ATP6V0A4: variants seen among roughly 807,000 people sequenced by gnomAD.
ATP6V0A4 encodes V-type proton ATPase 116 kDa subunit a 4.
Under a neutral mutation model 107.3 loss-of-function variants are expected in ATP6V0A4, and 86 were observed. That is an observed-to-expected ratio of 0.80 (90% CI 0.67 to 0.96). The LOEUF (loss-of-function observed/expected upper bound fraction) is 0.96. Among genes scored for constraint, ATP6V0A4 ranks in the 40% least tolerant of loss-of-function variants. The pLI is 0.00. For synonymous variants in ATP6V0A4, 353 were observed against 381.4 expected, an observed-to-expected ratio of 0.93 and a Z score of 0.87; for missense variants, 908 against 1,045.6, an observed-to-expected ratio of 0.87 and a Z score of 1.81.
At chr7:138,742,040 G>A (rs1453161328) in intron 14 of ATP6V0A4, among the ~76,000 whole-genome samples, 1 of 152,178 alleles carries the variant, frequency 6.6e-6, no homozygotes, top group African/African-American at 2.4e-5. Context: ...GTGGTAACAA[G>A]ACAGTTAATT....
At position 138,772,790 on chromosome 7, in the gene ATP6V0A4, G is replaced by T. The variant is rs529471237; in HGVS notation, c.-17-1526C>A. Among the ~76,000 whole-genome samples, 19 of 152,228 alleles carry T rather than the reference G, an allele frequency of 1.2e-4. No individual in the cohort carries two copies. In the East Asian group the frequency reaches 2.7e-3, roughly 22 times the overall value. ...AATGCATTCCAAACTCTGGGGTGGGGCAGTTTGTCACTCCTGAACATTTCT... is the reference window on the plus strand; with the variant it reads ...AATGCATTCCAAACTCTGGGGTGGGTCAGTTTGTCACTCCTGAACATTTCT... On this transcript the variant is annotated intron_variant, in intron 2 of 21. Coordinates refer to ENST00000310018, the MANE Select transcript of ATP6V0A4 (RefSeq NM_020632.3).
At chr7:138,716,470 G>T (rs990842653) in intron 19 of ATP6V0A4, among the ~76,000 whole-genome samples, 3 of 151,748 alleles carry the variant, frequency 2.0e-5, no homozygotes, top group African/African-American at 7.3e-5. Context: ...AGGACAATTT[G>T]GTTATGAGCT....
chr7:138,751,881 T>C (rs1294141663), intron 11 of ATP6V0A4, among the ~76,000 whole-genome samples: 1 of 152,132 alleles, frequency 6.6e-6, no homozygotes, highest in Non-Finnish European at 1.5e-5. Flanking sequence ...CGCGTGCCTG[T>C]AGTCCTAGCC....
rs369217271 is a variant in ATP6V0A4 at position 138,767,973 on chromosome 7, G to A, written c.291+807C>T. ...TTTTGAGATGGAGTCTTGCTCTGTCGCCCAGGCTGGAGTGCAGTGGCACAA... is the reference window on the plus strand; with the variant it reads ...TTTTGAGATGGAGTCTTGCTCTGTCACCCAGGCTGGAGTGCAGTGGCACAA... On this transcript the variant is annotated intron_variant, in intron 5 of 21. Transcript: ENST00000310018. Among the ~76,000 whole-genome samples the A allele has an allele frequency of 2.6e-4, 39 of 152,104 alleles. No homozygotes were observed. The East Asian group carries it at 4.1e-3, about 16-fold the overall frequency.
At chr7:138,749,070 C>T in intron 12 of ATP6V0A4, 97 bp downstream of exon 12, 2 of 1,494,766 alleles carry the variant, frequency 1.3e-6, no homozygotes, top group South Asian at 1.1e-5. Flanking sequence ...CCAAGCCTCA[C>T]AGTTTTAACA....
intron 19 of ATP6V0A4, among the ~76,000 whole-genome samples, chr7:138,720,842 G>C (rs1804391210): frequency 6.6e-6 from 1 of 152,080 alleles, no homozygotes; most frequent in Non-Finnish European, 1.5e-5. Context: ...TCACCATGTT[G>C]ACCAGGCTGG....
intron 12 of ATP6V0A4, 88 bp from the exon 13 acceptor site, chr7:138,747,652 C>T (rs1418012612): frequency 6.4e-7 from 1 of 1,565,202 alleles, no homozygotes; most frequent in African/African-American, 1.4e-5. Context: ...CCACGATTTG[C>T]ATGCGGGTTT....
chr7:138,729,012 G>A (rs542897000), intron 17 of ATP6V0A4, 150 bp from the exon 18 acceptor site: 1 of 1,463,542 alleles, frequency 6.8e-7, no homozygotes, highest in Admixed American at 2.0e-5. Flanking sequence ...CTTCACGCCT[G>A]GAATATTCCC....
rs925537682 is a variant in ATP6V0A4, at chr7:138,773,009, C to T, written c.-17-1745G>A. ...AAGCTATTCCCAAAGATCCTCCCGA[C>T]GGCCCTACTGCTGCCAAATCACACT... On this transcript the variant is annotated intron_variant, in intron 2 of 21. Transcript: ENST00000310018. The surrounding 1 kb of genome is among the most constrained non-coding windows in gnomAD (Gnocchi z 5.4). Among the ~76,000 whole-genome samples the T allele has an allele frequency of 3.3e-5, 5 of 152,154 alleles. No individual in the cohort carries two copies. Among genetic ancestry groups the T allele is most frequent in the South Asian group, 2.1e-4 (1 of 4,820 alleles).
At chr7:138,725,458 G>A (rs561799711) in intron 18 of ATP6V0A4, among the ~76,000 whole-genome samples, 16 of 152,250 alleles carry the variant, frequency 1.1e-4, no homozygotes, top group African/African-American at 3.9e-4. Flanking sequence ...GACAGTCCTG[G>A]AGGTCAGCAC....
At chr7:138,744,439 T>C (rs1355539464) in intron 14 of ATP6V0A4, among the ~76,000 whole-genome samples, 1 of 152,128 alleles carries the variant, frequency 6.6e-6, no homozygotes, top group Non-Finnish European at 1.5e-5. Flanking sequence ...GGTTTCACCA[T>C]GTTGGCCAGG....
At chr7:138,782,504 T>C (rs4732335) in intron 2 of ATP6V0A4, among the ~76,000 whole-genome samples, 87,750 of 152,028 alleles carry the variant, frequency 0.58, 25,709 homozygotes, top group African/African-American at 0.65. Flanking sequence ...CAACCCATAA[T>C]GAGGGAGAGG....
chr7:138,716,492 G>C (rs910216948), intron 19 of ATP6V0A4, among the ~76,000 whole-genome samples: 1 of 150,112 alleles, frequency 6.7e-6, no homozygotes, highest in Non-Finnish European at 1.5e-5. Context: ...AGTAACACAG[G>C]AAAGAAGTAA....
At chr7:138,708,117 TCTCAG>T (rs1158055975) in intron 21 of ATP6V0A4, among the ~76,000 whole-genome samples, 4 of 151,884 alleles carry the variant, frequency 2.6e-5, no homozygotes, top group South Asian at 2.1e-4. Context: ...AGTGGCTCCA[TCTCAG>T]CTCACTGCAA....
In ATP6V0A4 at chr7:138,771,441, G is replaced by GC. The variant is rs58735261; in HGVS notation, c.-17-178dup. ...TTCTTAGACAGGGTCTCACTCTGTT[G>GC]CCTGGGCTCGAATGCAGTGGTGCAA... On this transcript the variant is annotated intron_variant, in intron 2 of 21. Coordinates refer to ENST00000310018, the MANE Select transcript of ATP6V0A4 (RefSeq NM_020632.3). The GC allele has an allele frequency of 1, 266,362 of 266,430 alleles. 133,147 individuals are homozygous for GC. The highest frequency in any genetic ancestry group is 1 in the Middle Eastern group (532 of 532). The allele number at this position is 266,430 out of a possible 1,614,324, so 16.5% of individuals were successfully genotyped here. A position where few individuals can be genotyped will look rare whatever the true frequency, so the allele number is the denominator to read the frequency against.
chr7:138,738,837 T>C (rs1414208207), intron 15 of ATP6V0A4, among the ~76,000 whole-genome samples: 2 of 152,154 alleles, frequency 1.3e-5, no homozygotes, highest in Admixed American at 6.5e-5. Context: ...AGAAAGAGCT[T>C]AGAAGAAACA....
intron 7 of ATP6V0A4, among the ~76,000 whole-genome samples, chr7:138,761,630 C>CA (rs78329569): frequency 4.4e-4 from 59 of 133,496 alleles, no homozygotes; most frequent in East Asian, 8.3e-4. Flanking sequence ...GACTCTGTTT[C>CA]AAAAAAAAAA....
intron 19 of ATP6V0A4, among the ~76,000 whole-genome samples, chr7:138,719,341 C>T (rs1029593986): frequency 2.0e-5 from 3 of 152,226 alleles, no homozygotes; most frequent in South Asian, 2.1e-4. Context: ...ATCGTTTATG[C>T]GAATGCAGTG....
intron 15 of ATP6V0A4, among the ~76,000 whole-genome samples, chr7:138,737,562 C>T (rs967472847): frequency 2.7e-5 from 4 of 145,716 alleles, no homozygotes; most frequent in African/African-American, 1.0e-4. Context: ...GGAAAGGCAA[C>T]TCCCGCTTTT....
Sources: allele counts gnomAD v4.1 joint callset (sites outside exome capture counted in the v4.1 genomes callset), GRCh38; gene constraint gnomAD v4.1.1; non-coding constraint Gnocchi (gnomAD v3.1); transcripts MANE v1.5; gene names NCBI Gene and HGNC (gene_info 2026-07-23, HGNC 2026-07-21).